The following CNOT6 variants were observed in gnomAD, a reference collection of about 807,000 sequenced individuals.
CNOT6 encodes the protein carbon catabolite repression 4 protein.
In CNOT6, 12 loss-of-function variants were observed where a neutral mutation model predicts 61.2. The observed-to-expected ratio is 0.20, with a 90% CI of 0.13 to 0.32. The LOEUF (loss-of-function observed/expected upper bound fraction) is 0.32. Ranked by LOEUF, CNOT6 falls within the 10% of genes least tolerant of loss-of-function variation. The probability of loss-of-function intolerance (pLI) is 1.00; values close to 1 mark genes in which losing one functional copy is unlikely to be tolerated. For synonymous variants in CNOT6, 225 were observed against 240.6 expected, an observed-to-expected ratio of 0.94 and a Z score of 0.60; for missense variants, 405 against 663.9, an observed-to-expected ratio of 0.61 and a Z score of 4.28.
At chr5:180,565,538 C>G (rs1019115712) in intron 6 of CNOT6, among the ~76,000 whole-genome samples, 2 of 152,214 alleles carry the variant, frequency 1.3e-5, no homozygotes, top group African/African-American at 4.8e-5. Context: ...ATGTTAGGCT[C>G]AGAGACTGAA....
Position 180,564,538 on chromosome 5 carries a change from A to G in CNOT6, c.435A>G (p.Gly145=), listed in dbSNP as rs1179936257. Residue 145 remains glycine, a synonymous_variant, in exon 5 of 12, where the codon GGA becomes GGG. Coordinates refer to ENST00000261951, the MANE Select transcript of CNOT6 (RefSeq NM_001370472.1). The stretch of plus-strand genomic sequence containing the variant: ...TGAACCTTTATCAGGAACCAGATGG[A>G]ACAAGACGGCTGCTGAACTATTTGC... ...DILNLYQEPD[G]TRRLLNYLLD... The G allele has an allele frequency of 6.2e-7, 1 of 1,614,048 alleles. No homozygotes were observed. Among genetic ancestry groups the G allele is most frequent in the Non-Finnish European group, 8.5e-7 (1 of 1,179,926 alleles).
At chr5:180,535,394 G>C (rs925982575) in intron 2 of CNOT6, among the ~76,000 whole-genome samples, 1 of 152,222 alleles carries the variant, frequency 6.6e-6, no homozygotes, top group Non-Finnish European at 1.5e-5. Flanking sequence ...GCTCCCACTT[G>C]TAAGTGAGAA....
rs1029024611 is a variant in CNOT6 at position 180,576,143 on chromosome 5, T to C, written c.*1943T>C. ...CATAACTTTTTATGGGGTTTTGTTA[T>C]TGGTTTTTTTTTGTAAAGTGTGAAT... On this transcript the variant is annotated 3_prime_UTR_variant, in exon 12 of 12. Transcript: ENST00000261951. 7 of 152,306 alleles carry C rather than the reference T, an allele frequency of 4.6e-5. No homozygotes were observed. Among genetic ancestry groups the C allele is most frequent in the Non-Finnish European group, 7.4e-5 (5 of 67,962 alleles). 9.4% of individuals were successfully genotyped at this position (152,306 alleles called of 1,614,324 possible).
chr5:180,526,891 T>G (rs1258773433), intron 1 of CNOT6, among the ~76,000 whole-genome samples: 1 of 151,956 alleles, frequency 6.6e-6, no homozygotes, highest in East Asian at 1.9e-4. Context: ...AACTTTTTTT[T>G]TTTTTTTTTG....
chr5:180,540,150 C>A (rs998084824), intron 2 of CNOT6, among the ~76,000 whole-genome samples: 4 of 152,030 alleles, frequency 2.6e-5, no homozygotes, highest in Non-Finnish European at 5.9e-5. Flanking sequence ...TTCCGAGGGT[C>A]CCTGGGGCAG....
chr5:180,570,367 T>C (rs968566215), intron 10 of CNOT6, among the ~76,000 whole-genome samples: 1 of 151,964 alleles, frequency 6.6e-6, no homozygotes, highest in Non-Finnish European at 1.5e-5. Context: ...AATAATAATA[T>C]GATAATAAAA....
intron 7 of CNOT6, 127 bp from the exon 8 acceptor site, chr5:180,566,961 A>G (rs1014628163): frequency 4.1e-5 from 38 of 917,296 alleles, no homozygotes; most frequent in Non-Finnish European, 5.9e-5. Context: ...GCCCGGAAAG[A>G]TGTTACATTC....
chr5:180,572,611 G>A lies in CNOT6; in HGVS notation c.1461+1179G>A, dbSNP rs1305803007. 2.6e-5 allele frequency among the ~76,000 whole-genome samples: 4 copies of A among 152,326 alleles called. No homozygotes were observed. The East Asian group carries it at 7.7e-4, about 29-fold the overall frequency. On this transcript the variant is annotated intron_variant, in intron 11 of 11. Transcript: ENST00000261951. ...TTTGCCCAGGCTGAAGTACAGTGAT[G>A]TGATGATAACACACTGCAGCCTCAA...
chr5:180,560,051 C>T (rs1032254384), intron 4 of CNOT6, among the ~76,000 whole-genome samples: 2 of 151,116 alleles, frequency 1.3e-5, no homozygotes, highest in African/African-American at 2.4e-5. Context: ...TGGGTTCAAA[C>T]GATTCTCCTA....
At chr5:180,531,033 G>T (rs919301134) in intron 2 of CNOT6, among the ~76,000 whole-genome samples, 15 of 152,036 alleles carry the variant, frequency 9.9e-5, no homozygotes, top group African/African-American at 3.6e-4. Flanking sequence ...TTTTCTATTC[G>T]ACAAAACCGC....
chr5:180,552,539 G>A (rs1161701176), intron 3 of CNOT6, among the ~76,000 whole-genome samples: 3 of 151,828 alleles, frequency 2.0e-5, no homozygotes, highest in East Asian at 1.9e-4. Flanking sequence ...CCAGTTACTC[G>A]GGAGGCTGAG....
At chr5:180,498,458 G>A (rs1366585667) in intron 1 of CNOT6, among the ~76,000 whole-genome samples, 1 of 152,130 alleles carries the variant, frequency 6.6e-6, no homozygotes, top group East Asian at 1.9e-4. Context: ...ACACTGAATA[G>A]GAATTTGCCA....
At chr5:180,564,413 TAATTTTGATACATTTTAA>T (rs1760348260) in intron 4 of CNOT6, 58 bp from the exon 5 acceptor site, 1 of 950,148 alleles carries the variant, frequency 1.1e-6, no homozygotes. Context: ...GATGATCTGA[TAATTTTGATACATTTTAA>T]AATTTTGAAA....
chr5:180,557,261 C>T (rs1426858118), intron 4 of CNOT6, among the ~76,000 whole-genome samples: 2 of 152,094 alleles, frequency 1.3e-5, no homozygotes, highest in African/African-American at 2.4e-5. Flanking sequence ...GGATAAATGT[C>T]CAGGAGTGCA....
At chr5:180,564,647 C>T in intron 5 of CNOT6, 28 bp from the exon 6 acceptor site, 2 of 1,609,610 alleles carry the variant, frequency 1.2e-6, no homozygotes, top group Non-Finnish European at 1.7e-6. Flanking sequence ...AAGAATATTG[C>T]TTAATTCTGT....
chr5:180,558,444 C>T (rs187279097), intron 4 of CNOT6, among the ~76,000 whole-genome samples: 9 of 151,378 alleles, frequency 5.9e-5, no homozygotes, highest in African/African-American at 1.7e-4. Flanking sequence ...CCTAAAGCCG[C>T]GGCCTGGTAT....
chr5:180,537,828 G>T (rs1448950248), intron 2 of CNOT6, among the ~76,000 whole-genome samples: 1 of 137,296 alleles, frequency 7.3e-6, no homozygotes, highest in African/African-American at 2.7e-5. Flanking sequence ...TGGTGTAAAT[G>T]GTGTATTTTT....
At position 180,574,028 on chromosome 5, in the gene CNOT6, A is replaced by C. The variant is rs371901301; in HGVS notation, c.1502A>C (p.Asn501Thr). The C allele has an allele frequency of 6.2e-7, 1 of 1,613,872 alleles. No homozygotes were observed. The highest frequency in any genetic ancestry group is 8.5e-7 in the Non-Finnish European group (1 of 1,179,926). The change falls in exon 12 of 12, where the codon AAC becomes ACC. Residue 501 changes from asparagine to threonine, a missense_variant. Asn to Thr is a moderately conservative substitution (Grantham distance 65). Transcript: ENST00000261951. ...DYIFYSKPQL[N>T]TLGILGPLDH... ...ATTTTCTATTCTAAACCTCAGCTGA[A>C]CACCTTAGGCATCCTGGGCCCTCTG...
intron 8 of CNOT6, 133 bp downstream of exon 8, chr5:180,567,375 C>A: frequency 1.3e-6 from 1 of 774,658 alleles, no homozygotes; most frequent in Non-Finnish European, 2.0e-6. Flanking sequence ...ACTGTTTGAC[C>A]TAGGGGGTTT....
Sources: gnomAD v4.1 joint callset for allele counts (sites outside exome capture counted in the v4.1 genomes callset) on GRCh38, gnomAD v4.1.1 for gene constraint, MANE v1.5 for transcripts, NCBI Gene and HGNC (gene_info 2026-07-23, HGNC 2026-07-21) for gene names.